COG5: variants seen among roughly 807,000 people sequenced by gnomAD.
The protein encoded by COG5 is conserved oligomeric Golgi complex subunit 5.
Under a neutral mutation model 110.4 loss-of-function variants are expected in COG5, and 86 were observed. The ratio of observed to expected loss-of-function variants is 0.78; its 90% CI spans 0.65 to 0.93. The LOEUF is 0.93. COG5 is among the 40% of genes least tolerant of loss of function. The probability of loss-of-function intolerance (pLI) is 0.00; values close to 1 mark genes in which losing one functional copy is unlikely to be tolerated. For missense variants in COG5, 1,077 were observed against 987.0 expected, an observed-to-expected ratio of 1.09 and a Z score of -1.22; for synonymous variants, 360 against 334.6, an observed-to-expected ratio of 1.08 and a Z score of -0.83.
At chr7:107,507,645 T>C (rs1445248304) in intron 6 of COG5, among the ~76,000 whole-genome samples, 1 of 151,978 alleles carries the variant, frequency 6.6e-6, no homozygotes, top group Non-Finnish European at 1.5e-5. Flanking sequence ...CTGCAACATA[T>C]TATAGACATC....
chr7:107,210,189 T>A, intron 21 of COG5: 1 of 1,149,182 alleles, frequency 8.7e-7, no homozygotes, highest in South Asian at 2.9e-5. Flanking sequence ...CTGCAGCACA[T>A]AAAAATGAAG....
intron 5 of COG5, among the ~76,000 whole-genome samples, chr7:107,541,926 T>C (rs111832097): frequency 1.4e-5 from 2 of 143,164 alleles, no homozygotes; most frequent in African/African-American, 5.2e-5. Flanking sequence ...TGAGACTCCA[T>C]CTCAAAAAAG....
intron 5 of COG5, among the ~76,000 whole-genome samples, chr7:107,538,913 T>TATAAGG (rs1801781252): frequency 6.6e-6 from 1 of 152,198 alleles, no homozygotes; most frequent in Non-Finnish European, 1.5e-5. Context: ...CATAAAATGA[T>TATAAGG]ATATTATTTG....
intron 6 of COG5, among the ~76,000 whole-genome samples, chr7:107,462,436 G>T (rs925797218): frequency 3.3e-5 from 5 of 152,054 alleles, no homozygotes; most frequent in Admixed American, 2.6e-4. Flanking sequence ...AGGCTTGAGG[G>T]AAGCATGAAG....
chr7:107,385,800 A>C (rs946696686), intron 7 of COG5, among the ~76,000 whole-genome samples: 1 of 132,084 alleles, frequency 7.6e-6, no homozygotes, highest in Admixed American at 7.4e-5. Context: ...AACGCTTGTT[A>C]TTTTCTTTTT....
At chr7:107,272,138 G>T (rs1454603290) in intron 14 of COG5, among the ~76,000 whole-genome samples, 1 of 151,980 alleles carries the variant, frequency 6.6e-6, no homozygotes, top group East Asian at 1.9e-4. Context: ...AAATGTTGGG[G>T]CCCCCAAATC....
At chr7:107,506,005 G>C (rs1335618696) in intron 6 of COG5, among the ~76,000 whole-genome samples, 1 of 152,212 alleles carries the variant, frequency 6.6e-6, no homozygotes. Flanking sequence ...CAGACTGTGA[G>C]ATTCCTTGGT....
At chr7:107,264,481 C>T (rs1038257519) in intron 14 of COG5, among the ~76,000 whole-genome samples, 43 of 152,044 alleles carry the variant, frequency 2.8e-4, no homozygotes, top group African/African-American at 1.0e-3. Context: ...CGCTTGAGCC[C>T]AGGAGTTTGA....
At chr7:107,379,948 T>C (rs1814968947) in intron 7 of COG5, among the ~76,000 whole-genome samples, 1 of 152,172 alleles carries the variant, frequency 6.6e-6, no homozygotes, top group Non-Finnish European at 1.5e-5. Flanking sequence ...TACAGAACTC[T>C]ACACCCCAAA....
At chr7:107,489,587 T>TTTA (rs1254425461) in intron 6 of COG5, among the ~76,000 whole-genome samples, 1 of 152,098 alleles carries the variant, frequency 6.6e-6, no homozygotes, top group Non-Finnish European at 1.5e-5. Context: ...GTTCACCCAT[T>TTTA]GTTAAAAAAG....
At chr7:107,350,300 C>T (rs1445349470) in intron 10 of COG5, among the ~76,000 whole-genome samples, 1 of 152,186 alleles carries the variant, frequency 6.6e-6, no homozygotes, top group East Asian at 1.9e-4. Flanking sequence ...TGCCAGACCT[C>T]TAATTTGCTC....
intron 6 of COG5, among the ~76,000 whole-genome samples, chr7:107,439,236 C>G (rs1794560428): frequency 1.3e-5 from 2 of 152,022 alleles, no homozygotes; most frequent in African/African-American, 4.8e-5. Context: ...CGCAATCATT[C>G]CCATCAGATA....
Position 107,558,106 on chromosome 7 carries a change from C to G in COG5, c.104G>C (p.Ser35Thr). 1 of 1,613,768 alleles carries G rather than the reference C, an allele frequency of 6.2e-7. No homozygotes were observed. The highest frequency in any genetic ancestry group is 8.5e-7 in the Non-Finnish European group (1 of 1,179,866). ...ATCAAAGTCTTCGTTTAAAAAGTCA[C>G]TATAACACCCTGGATTGGGGAAAAA... ...VRELLQDGCYSDFLNEDFDVK... is the reference protein window; with the variant it reads ...VRELLQDGCYTDFLNEDFDVK... Residue 35 changes from serine to threonine, a missense_variant, in exon 2 of 22, where the codon AGT becomes ACT. Physicochemically the swap from Ser to Thr is moderately conservative, Grantham distance 58. Transcript: ENST00000297135.
chr7:107,254,707 GT>G (rs753975381), intron 16 of COG5, among the ~76,000 whole-genome samples: 11 of 152,096 alleles, frequency 7.2e-5, no homozygotes, highest in Non-Finnish European at 1.0e-4. Context: ...AATAATCTTT[GT>G]TGTCTGTCAA....
At chr7:107,323,607 G>A (rs17429118) in intron 11 of COG5, among the ~76,000 whole-genome samples, 23,862 of 152,154 alleles carry the variant, frequency 0.16, 2,328 homozygotes, top group Non-Finnish European at 0.22. Flanking sequence ...ATTAGGTTAA[G>A]TTCTGTTTAG....
At chr7:107,287,089 A>G (rs1280432139) in intron 12 of COG5, among the ~76,000 whole-genome samples, 2 of 152,204 alleles carry the variant, frequency 1.3e-5, no homozygotes, top group East Asian at 1.9e-4. Context: ...GAAAGGCTGG[A>G]GTTTATTGGG....
intron 6 of COG5, among the ~76,000 whole-genome samples, chr7:107,429,867 A>C (rs989747981): frequency 6.6e-6 from 1 of 152,118 alleles, no homozygotes; most frequent in Non-Finnish European, 1.5e-5. Flanking sequence ...GCCCCATGGA[A>C]CTGTCAGTCC....
At chr7:107,439,956 G>A (rs1339051572) in intron 6 of COG5, among the ~76,000 whole-genome samples, 6 of 152,118 alleles carry the variant, frequency 3.9e-5, no homozygotes, top group African/African-American at 1.2e-4. Flanking sequence ...CATTGTAATC[G>A]ACACACTGTC....
intron 8 of COG5, among the ~76,000 whole-genome samples, chr7:107,366,958 G>C (rs115102280): frequency 0.012 from 1,810 of 152,110 alleles, 22 homozygotes; most frequent in African/African-American, 0.041. Flanking sequence ...GCTGAATTGG[G>C]AAGTAAGTTT....
Sources: allele counts gnomAD v4.1 joint callset (sites outside exome capture counted in the v4.1 genomes callset), GRCh38; gene constraint gnomAD v4.1.1; transcripts MANE v1.5; gene names NCBI Gene and HGNC (gene_info 2026-07-23, HGNC 2026-07-21).